FBXL17: variants seen among roughly 807,000 people sequenced by gnomAD.
FBXL17 encodes F-box and leucine rich repeat protein 17, also known as F-box/LRR-repeat protein 17.
FBXL17 carries 22 observed loss-of-function variants against 66.2 expected under a neutral mutation model. The ratio of observed to expected loss-of-function variants is 0.33; its 90% CI spans 0.24 to 0.47. The LOEUF is 0.47. FBXL17 is among the 20% of genes least tolerant of loss of function. The probability of loss-of-function intolerance (pLI) is 1.00; values close to 1 mark genes in which losing one functional copy is unlikely to be tolerated. For missense variants in FBXL17, 878 were observed against 948.2 expected (o/e 0.93, Z 0.97); for synonymous variants, 474 against 400.5 (o/e 1.18, Z -2.19).
chr5:108,067,586 T>C (rs1748164811), intron 6 of FBXL17, among the ~76,000 whole-genome samples: 1 of 152,178 alleles, frequency 6.6e-6, no homozygotes, highest in Admixed American at 6.5e-5. Flanking sequence ...TGGATTCACA[T>C]GGTCGTTTGT....
chr5:108,079,319 T>C (rs527849616), intron 6 of FBXL17, among the ~76,000 whole-genome samples: 23 of 152,186 alleles, frequency 1.5e-4, no homozygotes, highest in Non-Finnish European at 3.1e-4. Flanking sequence ...TGCTGAAAAA[T>C]AGTTGTGTAA....
At chr5:108,316,490 A>C (rs1411654232) in intron 4 of FBXL17, among the ~76,000 whole-genome samples, 1 of 151,466 alleles carries the variant, frequency 6.6e-6, no homozygotes, top group African/African-American at 2.4e-5. Context: ...CAGAACCTTA[A>C]CACGGCAGGC....
intron 8 of FBXL17, among the ~76,000 whole-genome samples, chr5:107,871,474 A>G (rs903889674): frequency 6.6e-6 from 1 of 152,218 alleles, no homozygotes; most frequent in African/African-American, 2.4e-5. Flanking sequence ...GAGAAAAATT[A>G]GTGACATTTT....
chr5:108,220,918 A>G (rs1368302046), intron 5 of FBXL17, among the ~76,000 whole-genome samples: 1 of 152,240 alleles, frequency 6.6e-6, no homozygotes, highest in Non-Finnish European at 1.5e-5. Flanking sequence ...TCTCCCACAT[A>G]CAAGTCACTA....
At chr5:108,155,348 C>T (rs750011564) in intron 6 of FBXL17, among the ~76,000 whole-genome samples, 3 of 152,032 alleles carry the variant, frequency 2.0e-5, no homozygotes, top group Non-Finnish European at 4.4e-5. Context: ...AACTCCATCT[C>T]TACTAAAAAT....
chr5:108,355,366 G>A (rs141099367), intron 3 of FBXL17, among the ~76,000 whole-genome samples: 2,466 of 151,780 alleles, frequency 0.016, 75 homozygotes, highest in African/African-American at 0.056. Flanking sequence ...TTGGCTCACT[G>A]CAACCTCCGC....
At chr5:108,214,971 T>C (rs755887531) in intron 5 of FBXL17, among the ~76,000 whole-genome samples, 2 of 152,204 alleles carry the variant, frequency 1.3e-5, no homozygotes, top group Non-Finnish European at 2.9e-5. Flanking sequence ...AAAATAGCCT[T>C]TGTAGCTATC....
intron 7 of FBXL17, among the ~76,000 whole-genome samples, chr5:107,952,298 T>C (rs1290493895): frequency 1.3e-5 from 2 of 152,220 alleles, no homozygotes; most frequent in Non-Finnish European, 2.9e-5. Context: ...AATTTTTTTG[T>C]ATCACTAATA....
chr5:108,349,182 A>G (rs906362450), intron 3 of FBXL17, among the ~76,000 whole-genome samples: 9 of 152,224 alleles, frequency 5.9e-5, no homozygotes, highest in Admixed American at 5.9e-4. Context: ...AAAACTGAAT[A>G]TTATACAACC....
chr5:107,954,795 C>A (rs1751607186), intron 7 of FBXL17, among the ~76,000 whole-genome samples: 1 of 151,870 alleles, frequency 6.6e-6, no homozygotes, highest in Non-Finnish European at 1.5e-5. Flanking sequence ...AAAGTTAGAA[C>A]AAAATTAATA....
chr5:107,993,744 T>A (rs1005586809), intron 7 of FBXL17, among the ~76,000 whole-genome samples: 4 of 152,204 alleles, frequency 2.6e-5, no homozygotes, highest in African/African-American at 9.6e-5. Context: ...TTTTCAGGAA[T>A]TTTCCTGTCA....
chr5:108,096,576 C>T (rs1426199674), intron 6 of FBXL17, among the ~76,000 whole-genome samples: 4 of 152,122 alleles, frequency 2.6e-5, no homozygotes, highest in Admixed American at 2.6e-4. Flanking sequence ...CTCATTGGCT[C>T]AACTTGGGAT....
intron 3 of FBXL17, among the ~76,000 whole-genome samples, chr5:108,362,776 C>T (rs1748424081): frequency 6.6e-6 from 1 of 151,874 alleles, no homozygotes; most frequent in Non-Finnish European, 1.5e-5. Context: ...TGACAGAATT[C>T]AAAAGGCACA....
chr5:108,010,133 T>C (rs1457543964), intron 7 of FBXL17, among the ~76,000 whole-genome samples: 1 of 152,204 alleles, frequency 6.6e-6, no homozygotes, highest in African/African-American at 2.4e-5. Flanking sequence ...AAATGCAAAA[T>C]GGATTTCTCA....
At chr5:107,902,299 A>C (rs1410130262) in intron 7 of FBXL17, among the ~76,000 whole-genome samples, 2 of 152,184 alleles carry the variant, frequency 1.3e-5, no homozygotes, top group African/African-American at 4.8e-5. Context: ...TGGAATTAAT[A>C]GGTTTATATG....
At chr5:108,153,430 C>T (rs554100302) in intron 6 of FBXL17, among the ~76,000 whole-genome samples, 109 of 152,286 alleles carry the variant, frequency 7.2e-4, no homozygotes, top group African/African-American at 2.5e-3. Flanking sequence ...AGTTTTTCCA[C>T]TTAATATAAT....
At position 108,204,746 on chromosome 5, in the gene FBXL17, T is replaced by C. The variant is rs371956202; in HGVS notation, c.1615-18499A>G. Among the ~76,000 whole-genome samples the C allele has an allele frequency of 3.2e-4, 49 of 152,286 alleles. 1 individual carries two copies. In the South Asian group the frequency reaches 3.9e-3, roughly 12 times the overall value. On this transcript the variant is annotated intron_variant, in intron 5 of 8. Coordinates refer to ENST00000542267, the MANE Select transcript of FBXL17 (RefSeq NM_001163315.3). ...TTACGTATTCTTGAAAAGTATAATATTGAATAGTACAATTTTATCATGTTA... is the reference window on the plus strand; with the variant it reads ...TTACGTATTCTTGAAAAGTATAATACTGAATAGTACAATTTTATCATGTTA...
At chr5:107,923,152 GAAA>G (rs1321494473) in intron 7 of FBXL17, among the ~76,000 whole-genome samples, 1 of 152,010 alleles carries the variant, frequency 6.6e-6, no homozygotes, top group Non-Finnish European at 1.5e-5. Context: ...GGAGGAGAAG[GAAA>G]AAACAAGGCA....
At chr5:107,870,936 T>C (rs759686641) in intron 8 of FBXL17, among the ~76,000 whole-genome samples, 1 of 151,548 alleles carries the variant, frequency 6.6e-6, no homozygotes, top group Non-Finnish European at 1.5e-5. Flanking sequence ...CTGCTAAATA[T>C]GGGAATAAGC....
Sources: allele counts gnomAD v4.1 joint callset (sites outside exome capture counted in the v4.1 genomes callset), GRCh38; gene constraint gnomAD v4.1.1; transcripts MANE v1.5; gene names NCBI Gene and HGNC (gene_info 2026-07-23, HGNC 2026-07-21).